The following LIPJ variants were observed in gnomAD, a reference collection of about 807,000 sequenced individuals.
LIPJ encodes lipase member J.
In LIPJ, 33 loss-of-function variants were observed where a neutral mutation model predicts 39.8. That is an observed-to-expected ratio of 0.83 (90% CI 0.63 to 1.11). LIPJ has a LOEUF of 1.11. Among genes scored for constraint, LIPJ ranks in the 50% least tolerant of loss-of-function variants. The pLI is 0.00. For synonymous variants in LIPJ, 128 were observed against 139.2 expected (o/e 0.92, Z 0.57); for missense variants, 422 against 427.9 (o/e 0.99, Z 0.12).
At chr10:88,599,708 C>T (rs547747837) in intron 8 of LIPJ, among the ~76,000 whole-genome samples, 24 of 151,228 alleles carry the variant, frequency 1.6e-4, no homozygotes, top group African/African-American at 5.1e-4. Context: ...CACACACACA[C>T]ACATATATAT....
exon 3 of LIPJ, chr10:88,590,621 T>C (rs1026812278): frequency 7.3e-5 from 94 of 1,287,998 alleles, no homozygotes; most frequent in Non-Finnish European, 5.6e-6. Flanking sequence ...TGATGTATTT[T>C]ATCCGAATTC....
rs957413549 is a variant in LIPJ at position 88,605,802 on chromosome 10, C to T, written c.867+98C>T. Reference sequence around the variant, plus strand: ...ACTGTAAATCCCCACAGTACAATAACACACTGATTAAGGACCAGCAGATGA... The same window carrying T: ...ACTGTAAATCCCCACAGTACAATAATACACTGATTAAGGACCAGCAGATGA... On this transcript the variant is annotated intron_variant, in intron 10 of 10. Transcript: ENST00000371939. 44 of 732,974 alleles carry T rather than the reference C, an allele frequency of 6.0e-5. No individual in the cohort carries two copies. In the East Asian group the frequency reaches 1.1e-3, roughly 19 times the overall value. 45.4% of individuals were successfully genotyped at this position (732,974 alleles called of 1,614,324 possible). A position where few individuals can be genotyped will look rare whatever the true frequency, so the allele number is the denominator to read the frequency against.
chr10:88,607,826 T>C (rs1851703793), downstream of LIPJ, among the ~76,000 whole-genome samples: 1 of 152,236 alleles, frequency 6.6e-6, no homozygotes, highest in Admixed American at 6.5e-5. Context: ...GTTTATCACA[T>C]AAGAAGATTG....
exon 11 of LIPJ, chr10:88,606,787 C>A: frequency 6.2e-7 from 1 of 1,613,102 alleles, no homozygotes; most frequent in South Asian, 1.1e-5. Context: ...ATTCTGAAAT[C>A]ACAAACCACA....
At chr10:88,596,363 T>C in exon 7 of LIPJ, 2 of 1,564,224 alleles carry the variant, frequency 1.3e-6, no homozygotes, top group South Asian at 2.5e-5. Flanking sequence ...TTCCACAAAG[T>C]ACTTAAAAAG....
chr10:88,590,569 T>A lies in LIPJ; in HGVS notation c.-103-16T>A, dbSNP rs1851045202. On this transcript the variant is annotated splice_polypyrimidine_tract_variant and intron_variant, in intron 2 of 10. Transcript: ENST00000371939. The stretch of plus-strand genomic sequence containing the variant: ...CTGCAATTTTAACTGTATAAACATC[T>A]CCCTTTTATATATAGGTCCCAAACG... 2.6e-6 allele frequency: 2 copies of A among 761,270 alleles called. No individual in the cohort carries two copies. Among genetic ancestry groups the A allele is most frequent in the East Asian group, 5.1e-5 (2 of 39,128 alleles). The allele number at this position is 761,270 out of a possible 1,614,324, so 47.2% of individuals were successfully genotyped here.
chr10:88,615,423 G>C, the LIPJ span, among the ~76,000 whole-genome samples: 1 of 151,926 alleles, frequency 6.6e-6, no homozygotes, highest in Non-Finnish European at 1.5e-5. Flanking sequence ...CGTGGTGGCA[G>C]GCACCTGTAA....
chr10:88,604,073 T>C (rs1223584708), intron 9 of LIPJ, among the ~76,000 whole-genome samples: 4 of 152,178 alleles, frequency 2.6e-5, no homozygotes, highest in East Asian at 3.8e-4. Context: ...ACAATAACCA[T>C]GTCAACTTTA....
the LIPJ span, among the ~76,000 whole-genome samples, chr10:88,623,118 G>A: frequency 1.7e-3 from 252 of 152,288 alleles, 1 homozygote; most frequent in African/African-American, 5.6e-3. Context: ...AAAGCAATCT[G>A]TATGTTTTCT....
Position 88,600,729 on chromosome 10 carries a change from G to A in LIPJ, c.724-1847G>A, listed in dbSNP as rs112635928. Among the ~76,000 whole-genome samples the A allele has an allele frequency of 2.1e-3, 327 of 152,210 alleles. 1 individual carries two copies. Among genetic ancestry groups the A allele is most frequent in the African/African-American group, 7.4e-3 (306 of 41,528 alleles). ...CTCTTGGTTAAATTACTGTCTTAGT[G>A]CATTTTGTGTTGCTATAACAGAATA... On this transcript the variant is annotated intron_variant, in intron 8 of 10. Coordinates refer to ENST00000371939, the Ensembl canonical transcript of LIPJ.
chr10:88,608,568 A>G (rs969647073), downstream of LIPJ, among the ~76,000 whole-genome samples: 1 of 152,220 alleles, frequency 6.6e-6, no homozygotes, highest in Admixed American at 6.5e-5. Context: ...GAAAGTCTAG[A>G]ATTGAGTGTG....
exon 4 of LIPJ, chr10:88,591,465 C>A: frequency 6.2e-7 from 1 of 1,600,854 alleles, no homozygotes; most frequent in Non-Finnish European, 8.5e-7. Context: ...TTATAGAATT[C>A]CTTATTGGAG....
chr10:88,600,678 G>A (rs1002254204), intron 8 of LIPJ, among the ~76,000 whole-genome samples: 1 of 152,076 alleles, frequency 6.6e-6, no homozygotes, highest in African/African-American at 2.4e-5. Flanking sequence ...TGATTGCAGG[G>A]GACTGTGAAT....
chr10:88,608,315 G>A (rs1851710324), downstream of LIPJ, among the ~76,000 whole-genome samples: 2 of 152,220 alleles, frequency 1.3e-5, no homozygotes, highest in African/African-American at 4.8e-5. Flanking sequence ...CTACTCTGGT[G>A]GAGGATGTTG....
chr10:88,596,763 T>C, intron 7 of LIPJ, 27 bp from the exon 8 acceptor site: 1 of 1,576,652 alleles, frequency 6.3e-7, no homozygotes, highest in Non-Finnish European at 8.7e-7. Flanking sequence ...GTCATCCAAA[T>C]GTGGATAAAA....
the LIPJ span, chr10:88,618,662 C>A: frequency 6.5e-6 from 1 of 153,820 alleles, no homozygotes. Context: ...ATACCTCTGA[C>A]CCTGATGACA....
At chr10:88,604,681 T>C (rs1851603164) in intron 9 of LIPJ, among the ~76,000 whole-genome samples, 1 of 152,116 alleles carries the variant, frequency 6.6e-6, no homozygotes, top group Non-Finnish European at 1.5e-5. Context: ...TTAAAGGAGA[T>C]AGGGAGGTTT....
chr10:88,585,600 G>A (rs181734131), upstream of LIPJ: 1 of 151,778 alleles, frequency 6.6e-6, no homozygotes, highest in African/African-American at 2.4e-5. Flanking sequence ...GCCAAAAAAC[G>A]AATTCACTAC....
At chr10:88,611,779 C>G (rs1178883847), downstream of LIPJ, among the ~76,000 whole-genome samples, 1 of 152,106 alleles carries the variant, frequency 6.6e-6, no homozygotes, top group Non-Finnish European at 1.5e-5. Flanking sequence ...GTTAAACATC[C>G]AAACCTAAGA....
Sources: gnomAD v4.1 joint callset for allele counts (sites outside exome capture counted in the v4.1 genomes callset) on GRCh38, gnomAD v4.1.1 for gene constraint, MANE v1.5 for transcripts, NCBI Gene and HGNC (gene_info 2026-07-23, HGNC 2026-07-21) for gene names.